The following CDYL2 variants were observed in gnomAD, a reference collection of about 807,000 sequenced individuals.
CDYL2 encodes the protein chromodomain Y-like protein 2.
In CDYL2, 23 loss-of-function variants were observed where a neutral mutation model predicts 49.4. The ratio of observed to expected loss-of-function variants is 0.47; its 90% CI spans 0.34 to 0.66. The LOEUF is 0.66. Ranked by LOEUF, CDYL2 falls within the 30% of genes least tolerant of loss-of-function variation. CDYL2 has a pLI of 0.01. For missense variants in CDYL2, 678 were observed against 656.4 expected (o/e 1.03, Z -0.36); for synonymous variants, 360 against 268.8 (o/e 1.34, Z -3.32).
chr16:80,786,938 A>G (rs1258211333), intron 1 of CDYL2, among the ~76,000 whole-genome samples: 2 of 151,904 alleles, frequency 1.3e-5, no homozygotes, highest in Non-Finnish European at 2.9e-5. Context: ...GGGCTAGGGG[A>G]GGGATAACAT....
intron 2 of CDYL2, among the ~76,000 whole-genome samples, chr16:80,660,620 A>C (rs1874642911): frequency 6.6e-6 from 1 of 152,228 alleles, no homozygotes; most frequent in Non-Finnish European, 1.5e-5. Flanking sequence ...GAAATAATCC[A>C]AATATCTCAA....
At chr16:80,770,184 T>A (rs770325951) in intron 1 of CDYL2, among the ~76,000 whole-genome samples, 4 of 152,194 alleles carry the variant, frequency 2.6e-5, no homozygotes, top group Admixed American at 1.3e-4. Context: ...TATTAAGCCA[T>A]GCAACATGAG....
rs1459441601 is a variant in CDYL2 at position 80,603,324 on chromosome 16, A to G, written c.*1064T>C. 1.3e-5 allele frequency: 2 copies of G among 152,136 alleles called. No individual in the cohort carries two copies. Among genetic ancestry groups the G allele is most frequent in the East Asian group, 1.9e-4 (1 of 5,184 alleles). 9.4% of individuals were successfully genotyped at this position (152,136 alleles called of 1,614,324 possible). The stretch of plus-strand genomic sequence containing the variant: ...CCCCACTCCTGCCCAACATCACGCA[A>G]TTTGGGACTGGGTCTGTTTCAGGAT... On this transcript the variant is annotated 3_prime_UTR_variant, in exon 7 of 7. Coordinates refer to ENST00000570137, the MANE Select transcript of CDYL2 (RefSeq NM_152342.4).
chr16:80,710,284 T>C (rs1487291731), intron 1 of CDYL2, among the ~76,000 whole-genome samples: 2 of 152,230 alleles, frequency 1.3e-5, no homozygotes, highest in Non-Finnish European at 2.9e-5. Flanking sequence ...TACTGCTAAA[T>C]GTTCTTCCAT....
At chr16:80,719,169 A>C (rs1904913022) in intron 1 of CDYL2, among the ~76,000 whole-genome samples, 1 of 152,116 alleles carries the variant, frequency 6.6e-6, no homozygotes, top group East Asian at 1.9e-4. Context: ...TGAGCAAGAA[A>C]GACACAGTCA....
chr16:80,602,354 G>T lies in CDYL2; in HGVS notation c.*2034C>A, dbSNP rs1302767326. On this transcript the variant is annotated 3_prime_UTR_variant, in exon 7 of 7. Transcript: ENST00000570137. Reference sequence around the variant, plus strand: ...ATTCCATCCTCCTCTGGCTGAAGGAGAGGTTTCCCCTCCTTCCTGACCCTC... The same window carrying T: ...ATTCCATCCTCCTCTGGCTGAAGGATAGGTTTCCCCTCCTTCCTGACCCTC... The T allele has an allele frequency of 1.3e-5, 2 of 152,168 alleles. No individual in the cohort carries two copies. Among genetic ancestry groups the T allele is most frequent in the East Asian group, 1.9e-4 (1 of 5,170 alleles). 9.4% of individuals were successfully genotyped at this position (152,168 alleles called of 1,614,324 possible).
In CDYL2 at chr16:80,620,810, C is replaced by A; in HGVS notation, c.960G>T (p.Leu320Phe). The A allele has an allele frequency of 6.2e-7, 1 of 1,611,736 alleles. No homozygotes were observed. The highest frequency in any genetic ancestry group is 2.2e-5 in the East Asian group (1 of 44,730). Residue 320 changes from leucine to phenylalanine, a missense_variant, in exon 4 of 7, where the codon TTG becomes TTT. Physicochemically the swap from Leu to Phe is conservative, Grantham distance 22. Transcript: ENST00000570137. ...TGCTCTCCTTTCGCCGGTCGCTGGA[C>A]AACCGGCCAATTAGGTAGGAATAAT... ...GLDYSYLIGRLSSDRRKESTR... is the reference protein window; with the variant it reads ...GLDYSYLIGRFSSDRRKESTR...
intron 2 of CDYL2, among the ~76,000 whole-genome samples, chr16:80,675,731 C>A (rs767965143): frequency 6.7e-6 from 1 of 150,064 alleles, no homozygotes; most frequent in Non-Finnish European, 1.5e-5. Context: ...ATAAGGAGAG[C>A]GGCTTTTCAC....
In CDYL2 at chr16:80,685,043, G is replaced by A. The variant is rs770984891; in HGVS notation, c.111C>T (p.Asp37=). 6 of 1,614,152 alleles carry A rather than the reference G, an allele frequency of 3.7e-6. No homozygotes were observed. Among genetic ancestry groups the A allele is most frequent in the Admixed American group, 3.3e-5 (2 of 60,022 alleles). The change falls in exon 2 of 7, where the codon GAC becomes GAT. Residue 37 remains aspartate (D), a synonymous_variant. Coordinates refer to ENST00000570137, the MANE Select transcript of CDYL2 (RefSeq NM_152342.4). ...IRWKGYGSTE[D]TWEPEHHLLH... The stretch of plus-strand genomic sequence containing the variant: ...AGAGGTGGTGCTCCGGCTCCCACGT[G>A]TCCTCGGTGCTCCCGTAGCCTTTCC...
At chr16:80,779,134 G>C (rs1429167968) in intron 1 of CDYL2, among the ~76,000 whole-genome samples, 1 of 151,958 alleles carries the variant, frequency 6.6e-6, no homozygotes, top group East Asian at 1.9e-4. Flanking sequence ...GGAGAACAGT[G>C]AGATGAGAAA....
chr16:80,657,173 A>G (rs1297731821), intron 2 of CDYL2, among the ~76,000 whole-genome samples: 1 of 152,254 alleles, frequency 6.6e-6, no homozygotes, highest in African/African-American at 2.4e-5. Context: ...GAATTACTCC[A>G]AATAAAATTA....
At chr16:80,718,695 A>C (rs1904895229) in intron 1 of CDYL2, among the ~76,000 whole-genome samples, 1 of 152,232 alleles carries the variant, frequency 6.6e-6, no homozygotes, top group Non-Finnish European at 1.5e-5. Flanking sequence ...CCACAGCAGT[A>C]GATGGTAGGT....
chr16:80,685,099 T>C lies in CDYL2; in HGVS notation c.55A>G (p.Lys19Glu). The C allele has an allele frequency of 6.2e-7, 1 of 1,613,510 alleles. No homozygotes were observed. The highest frequency in any genetic ancestry group is 8.5e-7 in the Non-Finnish European group (1 of 1,179,600). ...ATAAGATACTCCCATTTTCCTTTCTTGTTCTTCCTCTTGTCTACAATCCTT... is the reference window on the plus strand; with the variant it reads ...ATAAGATACTCCCATTTTCCTTTCTCGTTCTTCCTCTTGTCTACAATCCTT... The part of the protein sequence containing the change: ...VERIVDKRKN[K>E]KGKWEYLIRW... The change falls in exon 2 of 7, where the codon AAG becomes GAG. Residue 19 changes from lysine to glutamate, a missense_variant. By Grantham distance (56) the Lys-to-Glu change is moderately conservative. Coordinates refer to ENST00000570137, the MANE Select transcript of CDYL2 (RefSeq NM_152342.4).
chr16:80,608,294 C>G lies in CDYL2; in HGVS notation c.1219-59G>C. The G allele has an allele frequency of 4.0e-6, 6 of 1,490,350 alleles. No individual in the cohort carries two copies. The Admixed American group carries it at 1.3e-4, about 33-fold the overall frequency. 92.3% of individuals were successfully genotyped at this position (1,490,350 alleles called of 1,614,324 possible). On this transcript the variant is annotated intron_variant, in intron 5 of 6. Transcript: ENST00000570137. ...CTGGAGGTCCACCCATGTCCCTCAG[C>G]TGGTCCAGGGCTTGCCACCTGCAAC...
chr16:80,736,954 A>T (rs2142546695), intron 1 of CDYL2, among the ~76,000 whole-genome samples: 1 of 152,298 alleles, frequency 6.6e-6, no homozygotes, highest in East Asian at 1.9e-4. Flanking sequence ...CTGGAAATTT[A>T]TATTACATGA....
At chr16:80,796,892 AC>A (rs368156569) in intron 1 of CDYL2, among the ~76,000 whole-genome samples, 4 of 152,174 alleles carry the variant, frequency 2.6e-5, no homozygotes, top group African/African-American at 7.2e-5. Flanking sequence ...GAATAGATGC[AC>A]CCCAAGGTTA....
chr16:80,664,369 C>T (rs1909172690), intron 2 of CDYL2, among the ~76,000 whole-genome samples: 1 of 152,220 alleles, frequency 6.6e-6, no homozygotes, highest in African/African-American at 2.4e-5. Context: ...TTCCAGACAG[C>T]TGTCTCTTCC....
intron 1 of CDYL2, among the ~76,000 whole-genome samples, chr16:80,749,750 G>A (rs1478785536): frequency 1.3e-5 from 2 of 152,004 alleles, no homozygotes; most frequent in Non-Finnish European, 2.9e-5. Context: ...TTAAAAAAAA[G>A]CATACATGTG....
chr16:80,652,510 T>G (rs1363726329), intron 2 of CDYL2, among the ~76,000 whole-genome samples: 1 of 152,204 alleles, frequency 6.6e-6, no homozygotes, highest in Non-Finnish European at 1.5e-5. Flanking sequence ...CGATAGTTTG[T>G]GTAAATATTG....
Sources: gnomAD v4.1 joint callset for allele counts (sites outside exome capture counted in the v4.1 genomes callset) on GRCh38, gnomAD v4.1.1 for gene constraint, MANE v1.5 for transcripts, NCBI Gene and HGNC (gene_info 2026-07-23, HGNC 2026-07-21) for gene names.